The following PDK3 variants were observed in gnomAD, a reference collection of about 807,000 sequenced individuals.
The protein encoded by PDK3 is pyruvate dehydrogenase kinase 3.
A neutral mutation model predicts 32.0 loss-of-function variants in PDK3; 12 were observed. The ratio of observed to expected loss-of-function variants is 0.37; its 90% confidence interval spans 0.24 to 0.61. The LOEUF is 0.61. Among genes scored for constraint, PDK3 ranks in the 20% least tolerant of loss-of-function variants. The pLI is 0.65. For synonymous variants in PDK3, 122 were observed against 116.3 expected, an observed-to-expected ratio of 1.05 and a Z score of -0.31; for missense variants, 188 against 316.9, an observed-to-expected ratio of 0.59 and a Z score of 3.09.
intron 6 of PDK3, among the ~76,000 whole-genome samples, chrX:24,525,636 G>A (rs992544389): frequency 2.7e-5 from 3 of 111,816 alleles, no homozygotes; most frequent in Admixed American, 9.5e-5. Flanking sequence ...GATGACCCAT[G>A]GTGCAAGGGG....
At chrX:24,550,363 T>C (rs1923075675) in exon 12 of PDK3, 1 of 112,079 alleles carries the variant, frequency 8.9e-6, no homozygotes. Flanking sequence ...TCCCCGGAAG[T>C]TGCAGAGCAA....
intron 1 of PDK3, among the ~76,000 whole-genome samples, chrX:24,485,312 C>T (rs911438084): frequency 8.9e-6 from 1 of 112,276 alleles, no homozygotes; most frequent in East Asian, 2.8e-4. Context: ...CGTGCCTCTG[C>T]ACTCCAGCCT....
chrX:24,525,082 G>A (rs5986311), intron 6 of PDK3, among the ~76,000 whole-genome samples: 4,868 of 111,451 alleles, frequency 0.044, 144 homozygotes, highest in South Asian at 0.3. Flanking sequence ...GCTTGAACCC[G>A]GGAGGTGGAG....
At chrX:24,532,343 A>G (rs766973817) in intron 10 of PDK3, among the ~76,000 whole-genome samples, 192 of 112,402 alleles carry the variant, frequency 1.7e-3, no homozygotes, top group African/African-American at 5.9e-3. Flanking sequence ...CTACATGCCT[A>G]TTGAAAGGTC....
At chrX:24,531,093 T>A (rs1475989838) in intron 9 of PDK3, among the ~76,000 whole-genome samples, 1 of 106,813 alleles carries the variant, frequency 9.4e-6, no homozygotes, top group African/African-American at 3.5e-5. Context: ...GGAGATGGAG[T>A]CTTGCTCTGT....
At chrX:24,532,688 C>T (rs1922679802) in intron 10 of PDK3, among the ~76,000 whole-genome samples, 1 of 112,176 alleles carries the variant, frequency 8.9e-6, no homozygotes, top group Non-Finnish European at 1.9e-5. Context: ...CCACCGGTCT[C>T]AGCGTCTTAT....
At chrX:24,518,889 C>A in intron 5 of PDK3, 44 bp from the exon 6 acceptor site, 1 of 799,758 alleles carries the variant, frequency 1.3e-6, no homozygotes, top group Non-Finnish European at 1.9e-6. Flanking sequence ...ACGCTTGTGC[C>A]TATGTTATTA....
At chrX:24,517,422 C>T (rs1922282998) in intron 5 of PDK3, among the ~76,000 whole-genome samples, 1 of 111,219 alleles carries the variant, frequency 9.0e-6, no homozygotes, top group South Asian at 3.7e-4. Flanking sequence ...GGAGTTTCAC[C>T]ATGTTGGCCT....
intron 3 of PDK3, among the ~76,000 whole-genome samples, chrX:24,501,033 T>C (rs1421756578): frequency 1.0e-5 from 1 of 95,375 alleles, no homozygotes; most frequent in Non-Finnish European, 2.1e-5. Context: ...TTTCAGAGTT[T>C]TACATCTTTA....
chrX:24,544,299 G>A (rs1196846353), exon 12 of PDK3, among the ~76,000 whole-genome samples: 2 of 110,863 alleles, frequency 1.8e-5, no homozygotes, highest in Non-Finnish European at 1.9e-5. Context: ...CCCACTAGTC[G>A]TCATCCTAGC....
intron 1 of PDK3, among the ~76,000 whole-genome samples, chrX:24,473,426 A>AATTTATTCATTTATTT (rs1921025785): frequency 9.5e-6 from 1 of 105,117 alleles, no homozygotes; most frequent in Non-Finnish European, 1.9e-5. Flanking sequence ...ACATTTGTTG[A>AATTTATTCATTTATTT]ATTTATTTAT....
chrX:24,511,521 C>T (rs1233462389), intron 5 of PDK3, among the ~76,000 whole-genome samples: 5 of 106,501 alleles, frequency 4.7e-5, no homozygotes, highest in Non-Finnish European at 9.5e-5. Context: ...GTGTGTGAGC[C>T]TCTTTGTGTG....
At chrX:24,469,118 A>T (rs1920968876) in intron 1 of PDK3, among the ~76,000 whole-genome samples, 1 of 112,016 alleles carries the variant, frequency 8.9e-6, no homozygotes. Flanking sequence ...ATTTATTAGC[A>T]ACTTTCCCTA....
chrX:24,533,408 G>A, intron 10 of PDK3, among the ~76,000 whole-genome samples: 1 of 111,756 alleles, frequency 8.9e-6, no homozygotes. Flanking sequence ...AAAGTGCTGG[G>A]ATTACAGGTG....
chrX:24,487,673 T>C (rs1921437200), intron 1 of PDK3, among the ~76,000 whole-genome samples: 1 of 110,779 alleles, frequency 9.0e-6, no homozygotes, highest in South Asian at 3.8e-4. Context: ...TGGATCATTC[T>C]GTTGGGGTTT....
Position 24,494,784 on chromosome X carries a change from G to A in PDK3, c.149G>A (p.Arg50Gln), listed in dbSNP as rs757407648. ...ACEKTSYMFL[R>Q]KELPVRLANT... The stretch of plus-strand genomic sequence containing the variant: ...GAGAAAACTTCATATATGTTTCTAC[G>A]AAAGGAACTTCCTGTGCGGCTGGCT... Residue 50 changes from arginine to glutamine, a missense_variant, in exon 2 of 11, where the codon CGA becomes CAA. Physicochemically the swap from Arg to Gln is conservative, Grantham distance 43 (BLOSUM62 1). Coordinates refer to ENST00000379162, the MANE Select transcript of PDK3 (RefSeq NM_005391.5). 5.0e-6 allele frequency: 6 copies of A among 1,195,905 alleles called. No individual in the cohort carries two copies. The highest frequency in any genetic ancestry group is 1.8e-5 in the South Asian group (1 of 56,059).
At chrX:24,519,815 A>G (rs769015489) in intron 6 of PDK3, among the ~76,000 whole-genome samples, 106 of 112,591 alleles carry the variant, frequency 9.4e-4, no homozygotes, top group African/African-American at 3.4e-3. Context: ...AATGCCAGCA[A>G]TGTTCTTTCT....
intron 10 of PDK3, among the ~76,000 whole-genome samples, chrX:24,533,472 T>C (rs1922703479): frequency 8.9e-6 from 1 of 111,966 alleles, no homozygotes; most frequent in Non-Finnish European, 1.9e-5. Flanking sequence ...ACTCAACCTA[T>C]GTATGTGATA....
chrX:24,486,606 TTGTCTC>T (rs1921406880), intron 1 of PDK3, among the ~76,000 whole-genome samples: 1 of 111,208 alleles, frequency 9.0e-6, no homozygotes, highest in Non-Finnish European at 1.9e-5. Flanking sequence ...ATTTGGCTCT[TTGTCTC>T]TGAAGTTCTG....
Sources: allele counts gnomAD v4.1 joint callset (sites outside exome capture counted in the v4.1 genomes callset), GRCh38; gene constraint gnomAD v4.1.1; transcripts MANE v1.5; gene names NCBI Gene and HGNC (gene_info 2026-07-23, HGNC 2026-07-21).